ZNF563: variants seen among roughly 807,000 people sequenced by gnomAD.
ZNF563 encodes zinc finger protein 563.
In ZNF563, 39 loss-of-function variants were observed where a neutral mutation model predicts 48.5. The observed-to-expected ratio is 0.80, with a 90% CI of 0.62 to 1.05. ZNF563 has a LOEUF of 1.05. Among genes scored for constraint, ZNF563 ranks in the 50% least tolerant of loss-of-function variants. The probability of loss-of-function intolerance (pLI) is 0.00; values close to 1 mark genes in which losing one functional copy is unlikely to be tolerated. For missense variants in ZNF563, 538 were observed against 597.0 expected (o/e 0.90, Z 1.03); for synonymous variants, 168 against 187.9 (o/e 0.89, Z 0.87).
chr19:12,342,523 A>G, the ZNF563 span, among the ~76,000 whole-genome samples: 3 of 151,964 alleles, frequency 2.0e-5, no homozygotes, highest in South Asian at 6.3e-4. Context: ...CTGTAATCCC[A>G]AAAGTTTGAG....
At position 12,318,814 on chromosome 19, in the gene ZNF563, T is replaced by A; in HGVS notation, c.1211A>T (p.Tyr404Phe). ...TTCGTGTCTTTGACATACACTAGGATAAACAAAAGCTTTCCCACATATCTT... is the reference window on the plus strand; with the variant it reads ...TTCGTGTCTTTGACATACACTAGGAAAAACAAAAGCTTTCCCACATATCTT... ...KCKICGKAFV[Y>F]PSVCQRHEKS... The change falls in exon 4 of 4, where the codon TAT becomes TTT. Residue 404 changes from tyrosine to phenylalanine, a missense_variant. Coordinates refer to ENST00000293725, the MANE Select transcript of ZNF563 (RefSeq NM_145276.3). The A allele has an allele frequency of 6.2e-7, 1 of 1,613,856 alleles. No individual in the cohort carries two copies. The highest frequency in any genetic ancestry group is 8.5e-7 in the Non-Finnish European group (1 of 1,179,968).
the ZNF563 span, chr19:12,346,572 C>A: frequency 6.6e-6 from 1 of 152,178 alleles, no homozygotes. Flanking sequence ...TGTGAACCAG[C>A]AATTACACTC....
the ZNF563 span, among the ~76,000 whole-genome samples, chr19:12,342,011 G>T: frequency 1.3e-5 from 2 of 152,110 alleles, no homozygotes; most frequent in African/African-American, 4.8e-5. Flanking sequence ...GAGATAATAA[G>T]ATGTATCTTT....
At position 12,319,180 on chromosome 19, in the gene ZNF563, G is replaced by A; in HGVS notation, c.845C>T (p.Thr282Ile). The A allele has an allele frequency of 2.5e-6, 4 of 1,613,710 alleles. No homozygotes were observed. Among genetic ancestry groups the A allele is most frequent in the South Asian group, 1.1e-5 (1 of 91,042 alleles). Residue 282 changes from threonine (T) to isoleucine (I), a missense_variant, in exon 4 of 4, where the codon ACA becomes ATA. Transcript: ENST00000293725. ...ERTHTGEKPY[T>I]CKQCGKAFSV... Reference sequence around the variant, plus strand: ...GAAGGCTTTCCCACACTGTTTACATGTATATGGTTTCTCTCCAGTGTGAGT... The same window carrying A: ...GAAGGCTTTCCCACACTGTTTACATATATATGGTTTCTCTCCAGTGTGAGT...
Position 12,318,963 on chromosome 19 carries a change from A to G in ZNF563, c.1062T>C (p.Tyr354=), listed in dbSNP as rs773204031. Residue 354 remains tyrosine, a synonymous_variant, in exon 4 of 4, where the codon TAT becomes TAC. Transcript: ENST00000293725. The stretch of plus-strand genomic sequence containing the variant: ...TCTCTCCAGTGTGAATTCGTTCATG[A>G]TATCGAACTAAACTGGGACGATCAA... The part of the protein sequence containing the change: ...KGFDRPSLVR[Y]HERIHTGEKP... 6 of 1,613,330 alleles carry G rather than the reference A, an allele frequency of 3.7e-6. No individual in the cohort carries two copies. Among genetic ancestry groups the G allele is most frequent in the South Asian group, 2.2e-5 (2 of 91,040 alleles).
upstream of ZNF563, chr19:12,333,703 C>T (rs575083912): frequency 3.6e-4 from 211 of 591,738 alleles, 4 homozygotes; most frequent in South Asian, 4.3e-3. Flanking sequence ...TACTGCCAGC[C>T]GTGCGCCTGA....
intron 1 of ZNF563, among the ~76,000 whole-genome samples, chr19:12,332,347 CTTT>C (rs567439951): frequency 2.2e-5 from 3 of 135,158 alleles, no homozygotes; most frequent in African/African-American, 5.6e-5. Context: ...TTTCTTTTTT[CTTT>C]TTTTTTTTTT....
chr19:12,343,112 G>A, the ZNF563 span, among the ~76,000 whole-genome samples: 14 of 151,834 alleles, frequency 9.2e-5, no homozygotes, highest in Admixed American at 2.0e-4. Context: ...CAGGAGAATC[G>A]CTTGAACCGG....
Position 12,319,129 on chromosome 19 carries a change from T to C in ZNF563, c.896A>G (p.His299Arg), listed in dbSNP as rs745769518. 1 of 1,614,090 alleles carries C rather than the reference T, an allele frequency of 6.2e-7. No homozygotes were observed. Among genetic ancestry groups the C allele is most frequent in the Non-Finnish European group, 8.5e-7 (1 of 1,180,040 alleles). Residue 299 changes from histidine (H) to arginine (R), a missense_variant, in exon 4 of 4, where the codon CAT becomes CGT. Transcript: ENST00000293725. ...TTTCTCTGCACTGTGAGTGGTTTCA[T>C]GTCTTCGAAGGGAACTGGAAACACT... ...AFSVSSSLRR[H>R]ETTHSAEKPY... is the part of the protein sequence containing the mutation.
chr19:12,333,925 C>T (rs1968984152), upstream of ZNF563, among the ~76,000 whole-genome samples: 1 of 152,238 alleles, frequency 6.6e-6, no homozygotes, highest in Non-Finnish European at 1.5e-5. Context: ...GAATTACCTG[C>T]CCGTACTCAG....
Position 12,321,131 on chromosome 19 carries a change from C to T in ZNF563, c.191+141G>A, listed in dbSNP as rs1007398595. On this transcript the variant is annotated intron_variant, in intron 3 of 3. Coordinates refer to ENST00000293725, the MANE Select transcript of ZNF563 (RefSeq NM_145276.3). ...CTCCAGCCTGGGCAACAGAGCAAGG[C>T]CCTGACTAAAAAAAAAAGTTAATTT... 7.2e-6 allele frequency: 4 copies of T among 555,548 alleles called. No homozygotes were observed. The African/African-American group carries it at 8.0e-5, about 11-fold the overall frequency. The allele number at this position is 555,548 out of a possible 1,614,324, so 34.4% of individuals were successfully genotyped here.
chr19:12,332,398 T>G (rs1431613613), intron 1 of ZNF563, among the ~76,000 whole-genome samples: 1 of 148,958 alleles, frequency 6.7e-6, no homozygotes. Context: ...CGGCCCAGAC[T>G]GGAGTGCAGT....
chr19:12,342,743 A>G, the ZNF563 span, among the ~76,000 whole-genome samples: 1 of 151,634 alleles, frequency 6.6e-6, no homozygotes, highest in African/African-American at 2.4e-5. Context: ...ACCACACTCC[A>G]GCCTGAATGA....
At chr19:12,325,308 C>T (rs113938555) in intron 1 of ZNF563, among the ~76,000 whole-genome samples, 7 of 152,072 alleles carry the variant, frequency 4.6e-5, no homozygotes, top group East Asian at 1.9e-4. Flanking sequence ...AGTGAAACCC[C>T]GTCTCTACTA....
At chr19:12,339,273 C>CTTTTTTTTTTT in the ZNF563 span, among the ~76,000 whole-genome samples, 2 of 86,476 alleles carry the variant, frequency 2.3e-5, no homozygotes, top group African/African-American at 4.0e-5. Flanking sequence ...CAGTTGATTT[C>CTTTTTTTTTTT]TTTTTTTTTT....
intron 3 of ZNF563, among the ~76,000 whole-genome samples, chr19:12,320,599 A>C (rs886471760): frequency 6.6e-6 from 1 of 151,838 alleles, no homozygotes; most frequent in African/African-American, 2.4e-5. Flanking sequence ...TCCTGGGTTC[A>C]TGCAATTCTC....
chr19:12,339,757 T>A, the ZNF563 span, among the ~76,000 whole-genome samples: 1 of 152,084 alleles, frequency 6.6e-6, no homozygotes, highest in East Asian at 1.9e-4. Context: ...GGGAGAATAT[T>A]TTGAGAAATA....
intron 2 of ZNF563, 86 bp from the exon 3 acceptor site, chr19:12,321,418 G>T: frequency 1.2e-6 from 1 of 804,436 alleles, no homozygotes; most frequent in South Asian, 2.4e-5. Flanking sequence ...AATCATACAT[G>T]ATTCGTTCAT....
At chr19:12,332,204 A>G (rs1173425318) in intron 1 of ZNF563, among the ~76,000 whole-genome samples, 1 of 152,156 alleles carries the variant, frequency 6.6e-6, no homozygotes, top group African/African-American at 2.4e-5. Flanking sequence ...TAAAGTCTTA[A>G]TTAGGGAAAG....
Sources: allele counts gnomAD v4.1 joint callset (sites outside exome capture counted in the v4.1 genomes callset), GRCh38; gene constraint gnomAD v4.1.1; transcripts MANE v1.5; gene names NCBI Gene and HGNC (gene_info 2026-07-23, HGNC 2026-07-21).